FGF14: variants seen among roughly 807,000 people sequenced by gnomAD.
FGF14 encodes the protein fibroblast growth factor 14.
In FGF14, 5 loss-of-function variants were observed where a neutral mutation model predicts 25.5. The observed-to-expected ratio is 0.20, with a 90% CI of 0.10 to 0.41. FGF14 has a LOEUF of 0.41. Ranked by LOEUF, FGF14 falls within the 10% of genes least tolerant of loss-of-function variation. FGF14 has a pLI of 1.00. For missense variants in FGF14, 222 were observed against 320.1 expected (o/e 0.69, Z 2.34); for synonymous variants, 138 against 118.3 (o/e 1.17, Z -1.08).
At chr13:102,322,298 AC>A (rs2056274761) in intron 1 of FGF14, among the ~76,000 whole-genome samples, 1 of 152,196 alleles carries the variant, frequency 6.6e-6, no homozygotes, top group South Asian at 2.1e-4. Flanking sequence ...CTGAGGCTTC[AC>A]CATGGTATCA....
At chr13:102,202,589 T>C (rs1445597344) in intron 1 of FGF14, among the ~76,000 whole-genome samples, 2 of 152,218 alleles carry the variant, frequency 1.3e-5, no homozygotes, top group Non-Finnish European at 2.9e-5. Flanking sequence ...TCCTTTGCAG[T>C]TGTTTCACAG....
upstream of FGF14, among the ~76,000 whole-genome samples, chr13:101,916,962 C>G (rs1040253263): frequency 2.6e-5 from 4 of 151,864 alleles, no homozygotes; most frequent in African/African-American, 9.7e-5. Context: ...TGCTGGTCAC[C>G]GCTCGTCGCA....
chr13:102,377,425 T>C (rs889624472), intron 1 of FGF14, among the ~76,000 whole-genome samples: 8 of 152,252 alleles, frequency 5.3e-5, no homozygotes, highest in African/African-American at 1.9e-4. Flanking sequence ...ATTATAAAAG[T>C]CTAGAAAATA....
At chr13:102,329,651 T>C (rs1217629568) in intron 1 of FGF14, among the ~76,000 whole-genome samples, 3 of 152,184 alleles carry the variant, frequency 2.0e-5, no homozygotes, top group Admixed American at 1.3e-4. Context: ...TCCAACCTTG[T>C]GCTCTGTTCA....
chr13:101,851,344 G>C (rs559822438), intron 3 of FGF14, among the ~76,000 whole-genome samples: 8 of 152,098 alleles, frequency 5.3e-5, no homozygotes, highest in African/African-American at 1.4e-4. Flanking sequence ...GTATGGGTCA[G>C]ATTTCTCCCC....
intron 1 of FGF14, among the ~76,000 whole-genome samples, chr13:101,882,774 C>T (rs2244600): frequency 0.34 from 51,371 of 151,808 alleles, 9,028 homozygotes; most frequent in African/African-American, 0.43. Context: ...GAGACCTCCA[C>T]CTAATGGGTA....
At chr13:101,803,634 AATGC>A (rs1288232396) in intron 3 of FGF14, among the ~76,000 whole-genome samples, 12 of 152,098 alleles carry the variant, frequency 7.9e-5, no homozygotes, top group Non-Finnish European at 1.0e-4. Flanking sequence ...AATAAGCAGT[AATGC>A]ATTTTAAAAA....
intron 1 of FGF14, chr13:102,395,267 A>G (rs1023748692): frequency 2.0e-5 from 3 of 152,248 alleles, no homozygotes; most frequent in Non-Finnish European, 4.4e-5. Context: ...CTTGTTAAGA[A>G]GAAAATTAAA....
intron 1 of FGF14, among the ~76,000 whole-genome samples, chr13:102,035,287 A>G (rs2041415379): frequency 6.6e-6 from 1 of 152,082 alleles, no homozygotes. Context: ...TTTTGTATTT[A>G]CTTATATTTA....
chr13:101,865,680 G>A (rs1351773311), intron 3 of FGF14, among the ~76,000 whole-genome samples: 4 of 152,058 alleles, frequency 2.6e-5, no homozygotes, highest in Non-Finnish European at 5.9e-5. Flanking sequence ...TAGCAAAGGA[G>A]TATGAAAGTT....
At chr13:101,995,080 A>G (rs1267091253) in intron 1 of FGF14, among the ~76,000 whole-genome samples, 4 of 152,142 alleles carry the variant, frequency 2.6e-5, no homozygotes, top group Admixed American at 2.6e-4. Flanking sequence ...AATTATAGCA[A>G]TTTGAATAGA....
intron 1 of FGF14, among the ~76,000 whole-genome samples, chr13:102,169,148 G>A (rs1030071475): frequency 1.3e-5 from 2 of 150,944 alleles, no homozygotes; most frequent in East Asian, 1.9e-4. Flanking sequence ...TTACACTAAA[G>A]GGCCTACACT....
intron 1 of FGF14, among the ~76,000 whole-genome samples, chr13:102,099,177 C>T (rs1412457100): frequency 6.6e-6 from 1 of 151,966 alleles, no homozygotes; most frequent in African/African-American, 2.4e-5. Context: ...TTTATATGGG[C>T]CTAAAAGTCA....
intron 1 of FGF14, among the ~76,000 whole-genome samples, chr13:102,349,626 C>G (rs2057214533): frequency 6.6e-6 from 1 of 152,176 alleles, no homozygotes; most frequent in South Asian, 2.1e-4. Context: ...TCTCCAGAAA[C>G]AGTTTTGACT....
chr13:102,064,048 G>T (rs1404361302), intron 1 of FGF14, among the ~76,000 whole-genome samples: 1 of 152,090 alleles, frequency 6.6e-6, no homozygotes, highest in Non-Finnish European at 1.5e-5. Context: ...ATAAAATAAT[G>T]ATTTGAGCAA....
chr13:102,308,171 C>G (rs2055506311), intron 1 of FGF14, among the ~76,000 whole-genome samples: 1 of 152,130 alleles, frequency 6.6e-6, no homozygotes, highest in Admixed American at 6.5e-5. Context: ...GACGTTGGAT[C>G]AAGCCAGATA....
At chr13:101,973,119 C>CATTTTTTTTTTTT (rs77590228) in intron 1 of FGF14, among the ~76,000 whole-genome samples, 1 of 127,508 alleles carries the variant, frequency 7.8e-6, no homozygotes. Context: ...AAGTGTGCTT[C>CATTTTTTTTTTTT]TTTTTTTTTT....
At chr13:102,120,383 T>C (rs2045663559) in intron 1 of FGF14, among the ~76,000 whole-genome samples, 1 of 152,214 alleles carries the variant, frequency 6.6e-6, no homozygotes, top group African/African-American at 2.4e-5. Context: ...GATTTATTCA[T>C]GTCAGCGTCA....
chr13:102,258,439 G>A (rs187581490), intron 1 of FGF14, among the ~76,000 whole-genome samples: 1 of 152,194 alleles, frequency 6.6e-6, no homozygotes, highest in Non-Finnish European at 1.5e-5. Flanking sequence ...TGCCACCATT[G>A]GCTGAGGTCC....
Sources: allele counts gnomAD v4.1 joint callset (sites outside exome capture counted in the v4.1 genomes callset), GRCh38; gene constraint gnomAD v4.1.1; transcripts MANE v1.5; gene names NCBI Gene and HGNC (gene_info 2026-07-23, HGNC 2026-07-21).